RAF1: variants seen among roughly 807,000 people sequenced by gnomAD.
RAF1 encodes Raf-1 proto-oncogene, serine/threonine kinase, also known as RAF proto-oncogene serine/threonine-protein kinase.
In RAF1, 27 loss-of-function variants were observed where a neutral mutation model predicts 81.1. That is an observed-to-expected ratio of 0.33 (90% confidence interval 0.25 to 0.46). RAF1 has a LOEUF of 0.46. Ranked by LOEUF, RAF1 falls within the 20% of genes least tolerant of loss-of-function variation. RAF1 has a pLI of 1.00. For missense variants in RAF1, 598 were observed against 826.0 expected, an observed-to-expected ratio of 0.72 and a Z score of 3.38; for synonymous variants, 298 against 294.0, an observed-to-expected ratio of 1.01 and a Z score of -0.14.
chr3:12,660,948 A>C (rs1252732625), intron 1 of RAF1, among the ~76,000 whole-genome samples: 1 of 152,172 alleles, frequency 6.6e-6, no homozygotes, highest in Non-Finnish European at 1.5e-5. Flanking sequence ...CGCTAAAAAA[A>C]CACCACATAT....
rs2059137453 is a variant in RAF1 at position 12,609,308 on chromosome 3, A to G, written c.348T>C (p.Thr116=). The change falls in exon 4 of 18, where the codon ACT becomes ACC. Residue 116 remains threonine (T), a synonymous_variant. Transcript: ENST00000442415. ...CTTCTCCAATCAAAGACGCAGCATC[A>G]GTATTCCAATCTAAGCGTGCTTTTT... is the stretch of plus-strand genomic sequence containing the variant. 1 of 1,613,462 alleles carries G rather than the reference A, an allele frequency of 6.2e-7. No individual in the cohort carries two copies. Among genetic ancestry groups the G allele is most frequent in the African/African-American group, 1.3e-5 (1 of 74,912 alleles).
chr3:12,632,781 G>A (rs2059902333), intron 1 of RAF1, among the ~76,000 whole-genome samples: 1 of 152,182 alleles, frequency 6.6e-6, no homozygotes, highest in Admixed American at 6.5e-5. Context: ...ACTCATGTGT[G>A]AGATGTGCCT....
chr3:12,607,308 A>T (rs2059064824), intron 5 of RAF1, among the ~76,000 whole-genome samples: 1 of 152,186 alleles, frequency 6.6e-6, no homozygotes, highest in Admixed American at 6.5e-5. Context: ...AGATGTGGTT[A>T]TGGTTAATGA....
chr3:12,629,776 A>G (rs2059809833), intron 1 of RAF1, among the ~76,000 whole-genome samples: 1 of 152,078 alleles, frequency 6.6e-6, no homozygotes, highest in African/African-American at 2.4e-5. Context: ...GTTTCTAATT[A>G]TACTTTTATT....
At position 12,600,377 on chromosome 3, in the gene RAF1, T is replaced by C. The variant is rs1231839683; in HGVS notation, c.922+11A>G. The C allele has an allele frequency of 6.2e-6, 10 of 1,613,992 alleles. No homozygotes were observed. The highest frequency in any genetic ancestry group is 2.7e-5 in the African/African-American group (2 of 74,906). On this transcript the variant is annotated intron_variant, in intron 9 of 17. Transcript: ENST00000442415. ...CCCATTATTGTTGGCTAAATGACTA[T>C]GGAAAAGTACCTGATTCGCTGTGAC... is the stretch of plus-strand genomic sequence containing the variant.
chr3:12,624,818 G>C (rs2059651134), intron 1 of RAF1, among the ~76,000 whole-genome samples: 1 of 150,350 alleles, frequency 6.7e-6, no homozygotes, highest in Admixed American at 6.6e-5. Flanking sequence ...CCCAGGAGGT[G>C]GAGGCTGCAG....
chr3:12,607,718 C>T (rs949193476), intron 5 of RAF1, among the ~76,000 whole-genome samples: 1 of 150,602 alleles, frequency 6.6e-6, no homozygotes, highest in Non-Finnish European at 1.5e-5. Flanking sequence ...TTTGGGAGGC[C>T]GAGGTGGGCA....
At chr3:12,657,114 G>C (rs1035442806) in intron 1 of RAF1, among the ~76,000 whole-genome samples, 1 of 152,104 alleles carries the variant, frequency 6.6e-6, no homozygotes, top group Non-Finnish European at 1.5e-5. Context: ...GCACTGGCCT[G>C]CACCTACAGG....
intron 1 of RAF1, among the ~76,000 whole-genome samples, chr3:12,632,096 G>C (rs887476574): frequency 3.3e-5 from 5 of 151,490 alleles, no homozygotes; most frequent in Non-Finnish European, 7.4e-5. Flanking sequence ...GGGAGGCCAA[G>C]GCAGGGGGAT....
intron 1 of RAF1, among the ~76,000 whole-genome samples, chr3:12,637,621 G>A (rs1253442391): frequency 2.6e-5 from 4 of 151,948 alleles, no homozygotes; most frequent in Admixed American, 6.6e-5. Context: ...GGAGGCTGAG[G>A]TGGATGGATT....
intron 1 of RAF1, among the ~76,000 whole-genome samples, chr3:12,622,779 C>T (rs868105425): frequency 1.3e-5 from 2 of 152,180 alleles, no homozygotes; most frequent in African/African-American, 4.8e-5. Context: ...CAGAATAATG[C>T]TACAAAAACA....
At chr3:12,649,132 G>C (rs1047970328) in intron 1 of RAF1, among the ~76,000 whole-genome samples, 5 of 151,916 alleles carry the variant, frequency 3.3e-5, no homozygotes, top group Admixed American at 3.3e-4. Context: ...AAGAAAGAAA[G>C]AAAAGAAAAA....
rs768925365 is a variant in RAF1 at position 12,618,728 on chromosome 3, A to G, written c.-7T>C. On this transcript the variant is annotated 5_prime_UTR_variant, in exon 2 of 18. Transcript: ENST00000442415. ...CTCCCTGTATGTGCTCCATTGATGCAGCTTAAACAATTCTTAAACCTGGTA... is the reference window on the plus strand; with the variant it reads ...CTCCCTGTATGTGCTCCATTGATGCGGCTTAAACAATTCTTAAACCTGGTA... The G allele has an allele frequency of 6.2e-7, 1 of 1,613,998 alleles. No homozygotes were observed. Among genetic ancestry groups the G allele is most frequent in the Non-Finnish European group, 8.5e-7 (1 of 1,179,872 alleles).
chr3:12,626,827 C>T (rs545626395), intron 1 of RAF1, among the ~76,000 whole-genome samples: 1 of 151,748 alleles, frequency 6.6e-6, no homozygotes, highest in Admixed American at 6.6e-5. Flanking sequence ...AGTTCGAGAT[C>T]AGCCTGACCA....
chr3:12,584,647 G>C lies in RAF1; in HGVS notation c.1874C>G (p.Ser625Cys). The change falls in exon 18 of 18, where the codon TCC (serine) becomes TGC (cysteine). Residue 625 changes from serine to cysteine, a missense_variant. By Grantham distance (112) the Ser-to-Cys change is moderately radical. Coordinates refer to ENST00000442415, the MANE Select transcript of RAF1 (RefSeq NM_001354689.3). ...TAGAGAGTGTTGGAGCAGCTCAATG[G>C]AAGACAGGATCTGAAACAAAGCCCA... 1 of 1,614,128 alleles carries C rather than the reference G, an allele frequency of 6.2e-7. No homozygotes were observed. The highest frequency in any genetic ancestry group is 8.5e-7 in the Non-Finnish European group (1 of 1,180,012).
chr3:12,659,816 C>T (rs180967384), intron 1 of RAF1, among the ~76,000 whole-genome samples: 1 of 152,262 alleles, frequency 6.6e-6, no homozygotes, highest in Admixed American at 6.5e-5. Context: ...AACATTAAGG[C>T]ATGCTGTTTG....
At chr3:12,587,011 T>A (rs1354337105) in intron 14 of RAF1, 4 of 152,854 alleles carry the variant, frequency 2.6e-5, no homozygotes, top group African/African-American at 4.8e-5. Context: ...AATTTTTAAA[T>A]TTAGAGATGG....
At chr3:12,654,676 AT>A (rs529409290) in intron 1 of RAF1, among the ~76,000 whole-genome samples, 13 of 124,356 alleles carry the variant, frequency 1.0e-4, no homozygotes, top group Non-Finnish European at 1.2e-4. Context: ...AACTTTATTC[AT>A]TTTTTTTTTT....
intron 1 of RAF1, among the ~76,000 whole-genome samples, chr3:12,642,787 G>C (rs2060234236): frequency 6.6e-6 from 1 of 151,500 alleles, no homozygotes; most frequent in African/African-American, 2.4e-5. Context: ...GGGGTGGGAG[G>C]CTGAGGGGAG....
Sources: gnomAD v4.1 joint callset for allele counts (sites outside exome capture counted in the v4.1 genomes callset) on GRCh38, gnomAD v4.1.1 for gene constraint, MANE v1.5 for transcripts, NCBI Gene and HGNC (gene_info 2026-07-23, HGNC 2026-07-21) for gene names.